RUFY1: variants seen among roughly 807,000 people sequenced by gnomAD.
RUFY1 encodes the protein RUN and FYVE domain containing 1.
RUFY1 carries 54 observed loss-of-function variants against 94.6 expected under a neutral mutation model. The observed-to-expected ratio is 0.57, with a 90% CI of 0.46 to 0.72. RUFY1 has a LOEUF of 0.72. Among genes scored for constraint, RUFY1 ranks in the 30% least tolerant of loss-of-function variants. The probability of loss-of-function intolerance (pLI) is 0.00; values close to 1 mark genes in which losing one functional copy is unlikely to be tolerated. For missense variants in RUFY1, 883 were observed against 883.9 expected (o/e 1.00, Z 0.01); for synonymous variants, 396 against 347.3 (o/e 1.14, Z -1.56).
rs538085743 is a variant in RUFY1, at chr5:179,586,803, C to G, written c.1026+938C>G. Among the ~76,000 whole-genome samples the G allele has an allele frequency of 2.6e-5, 4 of 152,238 alleles. 1 individual carries two copies. In the South Asian group the frequency reaches 8.3e-4, roughly 32 times the overall value. On this transcript the variant is annotated intron_variant, in intron 8 of 17. Transcript: ENST00000319449. ...CTTCACAGTCACCTTGGTAGGCAGG[C>G]CTTTGAGCCTCAGGTCAGGCAGGTC...
chr5:179,584,457 G>C (rs1764436611), intron 7 of RUFY1, among the ~76,000 whole-genome samples: 1 of 151,440 alleles, frequency 6.6e-6, no homozygotes, highest in Non-Finnish European at 1.5e-5. Flanking sequence ...ATTGAATTGT[G>C]GGGAAGATTA....
Position 179,569,338 on chromosome 5 carries a change from A to C in RUFY1, c.741A>C (p.Glu247Asp), listed in dbSNP as rs1254384065. Residue 247 changes from glutamate (E) to aspartate (D), a missense_variant, in exon 5 of 18, where the codon GAA becomes GAC. Transcript: ENST00000319449. ...AGCCTGAGGCTTTAATGATGGAGGAAGAAGGGATGGTGATTGTTGGTCTGC... is the reference window on the plus strand; with the variant it reads ...AGCCTGAGGCTTTAATGATGGAGGACGAAGGGATGGTGATTGTTGGTCTGC... ...FYEPEALMME[E>D]EGMVIVGLLV... is the part of the protein sequence containing the mutation. 1 of 1,613,832 alleles carries C rather than the reference A, an allele frequency of 6.2e-7. No homozygotes were observed.
chr5:179,592,821 T>C (rs975579830), intron 10 of RUFY1, among the ~76,000 whole-genome samples: 1 of 152,208 alleles, frequency 6.6e-6, no homozygotes, highest in African/African-American at 2.4e-5. Flanking sequence ...CCAGAAATTC[T>C]AACATTGCAC....
chr5:179,601,883 T>C lies in RUFY1; in HGVS notation c.1762-9T>C. 3 of 1,601,748 alleles carry C rather than the reference T, an allele frequency of 1.9e-6. No homozygotes were observed. Among genetic ancestry groups the C allele is most frequent in the Non-Finnish European group, 1.7e-6 (2 of 1,170,484 alleles). ...TCTGTCCAGCATCTGGTTGGTTTGTTCATTTTAGGAGTTGCGGGAGCTTCA... is the reference window on the plus strand; with the variant it reads ...TCTGTCCAGCATCTGGTTGGTTTGTCCATTTTAGGAGTTGCGGGAGCTTCA... On this transcript the variant is annotated splice_polypyrimidine_tract_variant and intron_variant, in intron 14 of 17. Transcript: ENST00000319449.
At chr5:179,600,380 C>T (rs1171103729) in intron 14 of RUFY1, among the ~76,000 whole-genome samples, 1 of 152,206 alleles carries the variant, frequency 6.6e-6, no homozygotes, top group South Asian at 2.1e-4. Flanking sequence ...GCCGTTGCCC[C>T]CTGGGGAACT....
intron 7 of RUFY1, among the ~76,000 whole-genome samples, chr5:179,585,514 G>A (rs566664508): frequency 6.6e-6 from 1 of 152,322 alleles, no homozygotes; most frequent in East Asian, 1.9e-4. Flanking sequence ...GGGAGGCAGA[G>A]GTTGCAGTGA....
chr5:179,578,459 T>C (rs969319633), intron 6 of RUFY1, among the ~76,000 whole-genome samples: 3 of 151,958 alleles, frequency 2.0e-5, no homozygotes, highest in Non-Finnish European at 4.4e-5. Context: ...CCTCAGGTGA[T>C]CCACCTGCGT....
Position 179,593,647 on chromosome 5 carries a change from T to TG in RUFY1, c.1413+5dup, listed in dbSNP as rs1562070330. 2.5e-6 allele frequency: 4 copies of TG among 1,613,210 alleles called. No individual in the cohort carries two copies. Among genetic ancestry groups the TG allele is most frequent in the Non-Finnish European group, 3.4e-6 (4 of 1,179,364 alleles). On this transcript the variant is annotated splice_region_variant and intron_variant, in intron 11 of 17. Coordinates refer to ENST00000319449, the MANE Select transcript of RUFY1 (RefSeq NM_025158.5). ...TTACAGATGTTTCACAAAGCTCAGG[T>TG]GGGAGTTGGCTTTGTGTCCATGGCA...
chr5:179,593,040 A>G (rs1264524871), intron 10 of RUFY1, among the ~76,000 whole-genome samples: 1 of 151,830 alleles, frequency 6.6e-6, no homozygotes, highest in Admixed American at 6.6e-5. Flanking sequence ...ACTCTTTTCA[A>G]TCTCCCTAAG....
chr5:179,572,350 C>T (rs575527267), intron 5 of RUFY1: 2 of 196,664 alleles, frequency 1.0e-5, no homozygotes, highest in South Asian at 6.9e-5. Flanking sequence ...CGAGGATTTC[C>T]GCAAGCTGGG....
At chr5:179,607,518 G>A (rs944700697) in intron 16 of RUFY1, 64 bp from the exon 17 acceptor site, 20 of 1,367,946 alleles carry the variant, frequency 1.5e-5, no homozygotes, top group African/African-American at 1.0e-4. Context: ...TGGCCAGAAC[G>A]CAGCTACCCA....
At chr5:179,580,136 A>G (rs1581481411) in intron 6 of RUFY1, among the ~76,000 whole-genome samples, 2 of 152,062 alleles carry the variant, frequency 1.3e-5, no homozygotes, top group African/African-American at 2.4e-5. Flanking sequence ...AGACTATACT[A>G]TATTGAATGA....
intron 8 of RUFY1, among the ~76,000 whole-genome samples, chr5:179,588,549 ATTTG>A (rs1441649324): frequency 6.6e-6 from 1 of 152,004 alleles, no homozygotes; most frequent in Non-Finnish European, 1.5e-5. Context: ...ATCTTCAATG[ATTTG>A]TTTTTTATTC....
In RUFY1 at chr5:179,570,582, TACCCTA is replaced by T. The variant is rs533537803; in HGVS notation, c.828+1162_828+1167del. ...ACTGTAAATGTGTGAGGGGAATAGG[TACCCTA>T]ACCCATTCCTCACTTCCACCCCCTC... On this transcript the variant is annotated intron_variant, in intron 5 of 17. Coordinates refer to ENST00000319449, the MANE Select transcript of RUFY1 (RefSeq NM_025158.5). Among the ~76,000 whole-genome samples, 25 of 152,232 alleles carry T rather than the reference TACCCTA, an allele frequency of 1.6e-4. No homozygotes were observed. The South Asian group carries it at 5.0e-3, about 30-fold the overall frequency.
At chr5:179,607,852 G>A (rs1767273650) in intron 17 of RUFY1, among the ~76,000 whole-genome samples, 193 bp downstream of exon 17, 1 of 152,250 alleles carries the variant, frequency 6.6e-6, no homozygotes, top group African/African-American at 2.4e-5. Flanking sequence ...CTCTTTCTGG[G>A]AGGCCTTGGC....
At chr5:179,604,569 G>C (rs758867364) in intron 15 of RUFY1, among the ~76,000 whole-genome samples, 73 of 152,290 alleles carry the variant, frequency 4.8e-4, no homozygotes, top group Non-Finnish European at 5.0e-4. Context: ...TAAATGCCCT[G>C]ATGCTGTTTT....
At chr5:179,592,953 T>C (rs1481040304) in intron 10 of RUFY1, among the ~76,000 whole-genome samples, 3 of 152,256 alleles carry the variant, frequency 2.0e-5, no homozygotes, top group Non-Finnish European at 2.9e-5. Flanking sequence ...ACCAGCTTTC[T>C]GTTGACTTGA....
Position 179,607,658 on chromosome 5 carries a change from A to G in RUFY1, c.1982A>G (p.Lys661Arg), listed in dbSNP as rs760541825. The G allele has an allele frequency of 1.2e-6, 2 of 1,613,452 alleles. No individual in the cohort carries two copies. Among genetic ancestry groups the G allele is most frequent in the South Asian group, 1.1e-5 (1 of 91,062 alleles). The change falls in exon 17 of 18, where the codon AAG becomes AGG. Residue 661 changes from lysine (K) to arginine (R), a missense_variant and splice_region_variant. By Grantham distance (26) the Lys-to-Arg change is conservative (BLOSUM62 2). Transcript: ENST00000319449. ...AAGGAGTTCTCCATTTCCCGGAGAA[A>G]GGTACGTGGGGGCTCCACCCACCCT... ...CEKEFSISRR[K>R]HHCRNCGHIF...
chr5:179,599,100 C>T (rs979912147), intron 14 of RUFY1, among the ~76,000 whole-genome samples: 4 of 152,194 alleles, frequency 2.6e-5, no homozygotes, highest in African/African-American at 9.6e-5. Context: ...AGGGAGCGAC[C>T]GGTGAGCAGA....
Sources: gnomAD v4.1 joint callset for allele counts (sites outside exome capture counted in the v4.1 genomes callset) on GRCh38, gnomAD v4.1.1 for gene constraint, MANE v1.5 for transcripts, NCBI Gene and HGNC (gene_info 2026-07-23, HGNC 2026-07-21) for gene names.